The following PTPRG variants were observed in gnomAD, a reference collection of about 807,000 sequenced individuals.
PTPRG encodes receptor-type tyrosine-protein phosphatase gamma.
A neutral mutation model predicts 165.3 loss-of-function variants in PTPRG; 102 were observed. That is an observed-to-expected ratio of 0.62 (90% CI 0.53 to 0.73). The LOEUF (loss-of-function observed/expected upper bound fraction) is 0.73. PTPRG is among the 30% of genes least tolerant of loss of function. The pLI, the probability that PTPRG is intolerant of heterozygous loss-of-function variation, is 0.00. For missense variants in PTPRG, 1,866 were observed against 1,861.4 expected (o/e 1.00, Z -0.05); for synonymous variants, 675 against 669.5 (o/e 1.01, Z -0.13).
At chr3:61,631,199 T>C (rs1329970309) in intron 1 of PTPRG, among the ~76,000 whole-genome samples, 3 of 139,670 alleles carry the variant, frequency 2.1e-5, no homozygotes, top group African/African-American at 8.3e-5. Flanking sequence ...TATCTTGAAA[T>C]TGTATGGTAA....
intron 4 of PTPRG, among the ~76,000 whole-genome samples, chr3:62,074,671 C>T (rs1391474280): frequency 6.6e-6 from 1 of 152,084 alleles, no homozygotes; most frequent in Non-Finnish European, 1.5e-5. Flanking sequence ...TTACGTACAC[C>T]ACGTTTCTTC....
chr3:61,673,598 A>G (rs565929471), intron 1 of PTPRG, among the ~76,000 whole-genome samples: 28 of 152,320 alleles, frequency 1.8e-4, no homozygotes, highest in Admixed American at 4.6e-4. Flanking sequence ...CTAGTTTATT[A>G]TTACTGTTTG....
At position 61,780,442 on chromosome 3, in the gene PTPRG, T is replaced by C. The variant is rs73089578; in HGVS notation, c.190+31460T>C. Among the ~76,000 whole-genome samples, 952 of 152,356 alleles carry C rather than the reference T, an allele frequency of 6.2e-3. 6 individuals are homozygous for C. The highest frequency in any genetic ancestry group is 0.011 in the Admixed American group (171 of 15,300). ...ATTTGTCTCTGATTTGGGCTGTATT[T>C]AGTCTGTGAATATTGTATTTGTTCA... On this transcript the variant is annotated intron_variant, in intron 2 of 29. Transcript: ENST00000474889.
At chr3:61,841,445 G>C (rs1317806943) in intron 2 of PTPRG, among the ~76,000 whole-genome samples, 1 of 152,106 alleles carries the variant, frequency 6.6e-6, no homozygotes, top group Non-Finnish European at 1.5e-5. Context: ...TTGTCCTGTA[G>C]GTATAAAGTC....
intron 2 of PTPRG, among the ~76,000 whole-genome samples, chr3:61,799,365 C>T (rs962211465): frequency 1.3e-5 from 2 of 152,142 alleles, no homozygotes; most frequent in African/African-American, 4.8e-5. Context: ...AACCAGAAAC[C>T]TTGGCTATTC....
chr3:62,280,989 T>C (rs1027572019), intron 26 of PTPRG, among the ~76,000 whole-genome samples: 1 of 152,050 alleles, frequency 6.6e-6, no homozygotes, highest in Non-Finnish European at 1.5e-5. Flanking sequence ...CATGCCAATA[T>C]TGAGTACATT....
intron 3 of PTPRG, among the ~76,000 whole-genome samples, chr3:61,996,676 C>T (rs973146366): frequency 1.3e-5 from 2 of 152,114 alleles, no homozygotes; most frequent in African/African-American, 4.8e-5. Context: ...TTTTAAAATC[C>T]ATTCTTTATT....
chr3:61,969,980 G>A (rs2040348476), intron 2 of PTPRG, among the ~76,000 whole-genome samples: 1 of 152,184 alleles, frequency 6.6e-6, no homozygotes, highest in Non-Finnish European at 1.5e-5. Context: ...AAGATTTTGA[G>A]ATAATTTTGA....
chr3:62,074,178 A>AGTGTGT (rs777598058), intron 4 of PTPRG, among the ~76,000 whole-genome samples: 49 of 65,006 alleles, frequency 7.5e-4, no homozygotes, highest in African/African-American at 1.7e-3. Flanking sequence ...AAAAAAAGTG[A>AGTGTGT]GAGTGTGTGT....
intron 5 of PTPRG, among the ~76,000 whole-genome samples, chr3:62,089,109 C>T (rs1474578082): frequency 1.3e-5 from 2 of 152,196 alleles, no homozygotes; most frequent in East Asian, 1.9e-4. Context: ...TATGTCTCAA[C>T]CCATCTGAAG....
chr3:62,189,366 C>T (rs34971634), intron 8 of PTPRG, among the ~76,000 whole-genome samples: 1 of 152,056 alleles, frequency 6.6e-6, no homozygotes, highest in Admixed American at 6.5e-5. Context: ...CCATCCTGTC[C>T]CCAGAGCTGC....
At chr3:61,962,343 G>C (rs1440752401) in intron 2 of PTPRG, among the ~76,000 whole-genome samples, 3 of 152,200 alleles carry the variant, frequency 2.0e-5, no homozygotes, top group Non-Finnish European at 4.4e-5. Context: ...TAGTCAGGTA[G>C]TCAGGTTCAC....
At chr3:62,154,537 C>T (rs1201674604) in intron 6 of PTPRG, among the ~76,000 whole-genome samples, 2 of 152,312 alleles carry the variant, frequency 1.3e-5, no homozygotes, top group African/African-American at 2.4e-5. Flanking sequence ...CCTGCCCAAT[C>T]AGCGTTCCCC....
Position 62,224,630 on chromosome 3 carries a change from T to C in PTPRG, c.2288+5647T>C, listed in dbSNP as rs902100989. ...TATATGTTTCCTGAAAGGGAGAACT[T>C]TGGAGACCAATCATTAGTCTGTACT... On this transcript the variant is annotated intron_variant, in intron 13 of 29. Transcript: ENST00000474889. This position sits in a 1 kb window ranked among gnomAD's most constrained non-coding sequence, Gnocchi z 4.9. Among the ~76,000 whole-genome samples, 4 of 152,220 alleles carry C rather than the reference T, an allele frequency of 2.6e-5. No individual in the cohort carries two copies. Among genetic ancestry groups the C allele is most frequent in the African/African-American group, 7.2e-5 (3 of 41,454 alleles).
In PTPRG at chr3:62,157,214, C is replaced by G. The variant is rs1006607746; in HGVS notation, c.830C>G (p.Ser277Cys). The G allele has an allele frequency of 1.2e-6, 2 of 1,613,516 alleles. No individual in the cohort carries two copies. The highest frequency in any genetic ancestry group is 1.7e-5 in the Admixed American group (1 of 60,016). ...GTCTTCCGGAGACCCGTCCCCATCT[C>G]TTACCATCAGGTAGATATTCTTCCT... Reference protein sequence around the residue: ...WIVFRRPVPISYHQLEAFYSI... With the variant: ...WIVFRRPVPICYHQLEAFYSI... Residue 277 changes from serine (S) to cysteine (C), a missense_variant, in exon 7 of 30, where the codon TCT (serine) becomes TGT (cysteine). Physicochemically the swap from Ser to Cys is moderately radical, Grantham distance 112. Transcript: ENST00000474889.
chr3:61,617,382 G>T (rs925374266), intron 1 of PTPRG, among the ~76,000 whole-genome samples: 1 of 152,210 alleles, frequency 6.6e-6, no homozygotes, highest in Admixed American at 6.5e-5. Context: ...TCAGGGACTT[G>T]TTCGGCATGT....
intron 2 of PTPRG, among the ~76,000 whole-genome samples, chr3:61,947,830 A>T (rs901495130): frequency 2.0e-5 from 3 of 152,144 alleles, no homozygotes; most frequent in Non-Finnish European, 2.9e-5. Context: ...AGAGGGAAAA[A>T]CTTGTCTAAT....
intron 29 of PTPRG, 48 bp downstream of exon 29, chr3:62,292,604 T>C: frequency 1.3e-6 from 2 of 1,591,616 alleles, no homozygotes; most frequent in Non-Finnish European, 1.7e-6. Context: ...CAGTTGAAAC[T>C]CAGACTCACA....
intron 12 of PTPRG, among the ~76,000 whole-genome samples, chr3:62,209,925 T>A (rs1025311442): frequency 2.0e-5 from 3 of 152,190 alleles, no homozygotes; most frequent in African/African-American, 7.2e-5. Flanking sequence ...AAGATTGGTG[T>A]ACAACTTCTG....
Sources: gnomAD v4.1 joint callset for allele counts (sites outside exome capture counted in the v4.1 genomes callset) on GRCh38, gnomAD v4.1.1 for gene constraint, Gnocchi (gnomAD v3.1) non-coding constraint, MANE v1.5 for transcripts, NCBI Gene and HGNC (gene_info 2026-07-23, HGNC 2026-07-21) for gene names.